Variants in EYS observed in about 807,000 individuals in gnomAD.
EYS encodes the protein protein eyes shut homolog.
EYS carries 250 observed loss-of-function variants against 282.1 expected under a neutral mutation model. The observed-to-expected ratio is 0.89, with a 90% CI of 0.80 to 0.98. The LOEUF (loss-of-function observed/expected upper bound fraction) is 0.98, where lower values mean the gene tolerates loss of function less well. Ranked by LOEUF, EYS falls within the 50% of genes least tolerant of loss-of-function variation. The pLI, the probability that EYS is intolerant of heterozygous loss-of-function variation, is 0.00. For synonymous variants in EYS, 1,355 were observed against 1,282.9 expected (o/e 1.06, Z -1.20); for missense variants, 4,016 against 3,709.0 (o/e 1.08, Z -2.15).
Position 64,469,949 on chromosome 6 carries a change from C to T in EYS, c.5645-30597G>A, listed in dbSNP as rs537554643. On this transcript the variant is annotated intron_variant, in intron 26 of 42. Coordinates refer to ENST00000503581, the MANE Select transcript of EYS (RefSeq NM_001142800.2). Reference sequence around the variant, plus strand: ...AAGTCTCTGATATGCAAAAATAATGCTGTAAGCTGTTTCTCTCTCTCCCTC... The same window carrying T: ...AAGTCTCTGATATGCAAAAATAATGTTGTAAGCTGTTTCTCTCTCTCCCTC... Among the ~76,000 whole-genome samples the T allele has an allele frequency of 1.1e-4, 16 of 152,244 alleles. No individual in the cohort carries two copies. In the South Asian group the frequency reaches 3.1e-3, roughly 30 times the overall value.
chr6:64,157,832 G>T (rs1211121387), intron 31 of EYS, among the ~76,000 whole-genome samples: 1 of 152,238 alleles, frequency 6.6e-6, no homozygotes, highest in African/African-American at 2.4e-5. Flanking sequence ...GAGGACCTCT[G>T]TTAGGGCAGT....
At chr6:65,661,455 A>T (rs1409956200) in intron 1 of EYS, among the ~76,000 whole-genome samples, 1 of 152,042 alleles carries the variant, frequency 6.6e-6, no homozygotes, top group Non-Finnish European at 1.5e-5. Flanking sequence ...CAATGTTAAA[A>T]TACTTTCACA....
chr6:65,675,814 A>G (rs913310965), intron 1 of EYS, among the ~76,000 whole-genome samples: 2 of 151,944 alleles, frequency 1.3e-5, no homozygotes, highest in East Asian at 1.9e-4. Context: ...TCAAGTGTAC[A>G]TATTCTTCTC....
chr6:64,184,109 T>A (rs573888917), intron 31 of EYS, among the ~76,000 whole-genome samples: 2 of 152,246 alleles, frequency 1.3e-5, no homozygotes, highest in Non-Finnish European at 2.9e-5. Context: ...CTGGCCTCTC[T>A]CATCACCCAG....
chr6:64,044,994 T>A (rs1220145825), intron 33 of EYS, among the ~76,000 whole-genome samples: 1 of 152,142 alleles, frequency 6.6e-6, no homozygotes, highest in Non-Finnish European at 1.5e-5. Context: ...ATTGAGATAA[T>A]CTTTGGCATA....
At chr6:64,061,182 A>T (rs371601761) in intron 33 of EYS, among the ~76,000 whole-genome samples, 3 of 152,186 alleles carry the variant, frequency 2.0e-5, no homozygotes, top group African/African-American at 7.2e-5. Flanking sequence ...ATAACACAGT[A>T]AATCACCTAG....
intron 15 of EYS, among the ~76,000 whole-genome samples, chr6:64,913,055 T>C (rs1243913207): frequency 6.6e-6 from 1 of 152,060 alleles, no homozygotes; most frequent in Non-Finnish European, 1.5e-5. Context: ...AAAATTTTCC[T>C]ATGAATTATT....
chr6:65,281,035 CAAA>C (rs35633005), intron 12 of EYS, among the ~76,000 whole-genome samples: 1 of 101,992 alleles, frequency 9.8e-6, no homozygotes, highest in Non-Finnish European at 1.8e-5. Flanking sequence ...GATGCCATCT[CAAA>C]AAAAAAAAAA....
intron 32 of EYS, among the ~76,000 whole-genome samples, chr6:64,075,312 G>A (rs1582233087): frequency 6.6e-6 from 1 of 151,882 alleles, no homozygotes. Flanking sequence ...GAGAAGCTCT[G>A]GGGAGAACTG....
chr6:63,830,081 C>G (rs1771585870), intron 36 of EYS, among the ~76,000 whole-genome samples: 1 of 152,122 alleles, frequency 6.6e-6, no homozygotes, highest in Non-Finnish European at 1.5e-5. Flanking sequence ...TCATCAAAGA[C>G]CAAAGGTAGA....
chr6:63,968,744 C>T (rs1033961896), intron 35 of EYS, among the ~76,000 whole-genome samples: 2 of 152,160 alleles, frequency 1.3e-5, no homozygotes, highest in Non-Finnish European at 2.9e-5. Context: ...GTAAAAATCT[C>T]CCCCAGACAG....
At chr6:63,922,920 A>G (rs1433200527) in intron 35 of EYS, among the ~76,000 whole-genome samples, 1 of 152,222 alleles carries the variant, frequency 6.6e-6, no homozygotes, top group African/African-American at 2.4e-5. Context: ...TGCCTTGACA[A>G]ATACTGACGT....
In EYS at chr6:63,721,692, C is replaced by A. The variant is rs1206871454; in HGVS notation, c.8339G>T (p.Gly2780Val). ...TGCTTTTATTATATGCCAAGTACTTCCGTTTATAGTTACTTTTTGGAGAGT... is the reference window on the plus strand; with the variant it reads ...TGCTTTTATTATATGCCAAGTACTTACGTTTATAGTTACTTTTTGGAGAGT... ...LETLQKVTIN[G>V]STWHIIKAGR... Residue 2780 changes from glycine (G) to valine (V), a missense_variant, in exon 43 of 43, where the codon GGA becomes GTA. Gly to Val is a moderately radical substitution (Grantham distance 109). Coordinates refer to ENST00000503581, the MANE Select transcript of EYS (RefSeq NM_001142800.2). The A allele has an allele frequency of 6.4e-7, 1 of 1,551,390 alleles. No individual in the cohort carries two copies. Among genetic ancestry groups the A allele is most frequent in the South Asian group, 1.2e-5 (1 of 84,052 alleles).
intron 30 of EYS, among the ~76,000 whole-genome samples, chr6:64,285,353 G>A (rs1768459036): frequency 6.6e-6 from 1 of 152,174 alleles, no homozygotes; most frequent in South Asian, 2.1e-4. Context: ...CTCTAGGGCA[G>A]GGGCAAAATG....
intron 8 of EYS, among the ~76,000 whole-genome samples, chr6:65,356,299 T>C (rs189705568): frequency 2.3e-4 from 35 of 152,182 alleles, no homozygotes; most frequent in Non-Finnish European, 4.6e-4. Context: ...TGTTTGTTTG[T>C]TTTTTAAACT....
intron 4 of EYS, among the ~76,000 whole-genome samples, chr6:65,493,946 A>C (rs551479908): frequency 6.6e-6 from 1 of 152,232 alleles, no homozygotes; most frequent in South Asian, 2.1e-4. Context: ...TAGTTCCCTA[A>C]CTTCCTCTAC....
chr6:63,891,613 A>C (rs1197374679), intron 35 of EYS, among the ~76,000 whole-genome samples: 2 of 152,180 alleles, frequency 1.3e-5, no homozygotes, highest in Non-Finnish European at 2.9e-5. Flanking sequence ...ATTTATGACA[A>C]ACCCATGGCC....
intron 13 of EYS, among the ~76,000 whole-genome samples, chr6:65,011,654 C>T (rs935328030): frequency 1.3e-5 from 2 of 152,212 alleles, no homozygotes; most frequent in African/African-American, 2.4e-5. Context: ...AGAGACAGAA[C>T]TAGCTGGATT....
Position 64,699,208 on chromosome 6 carries a change from C to A in EYS, c.3444-72963G>T, listed in dbSNP as rs559865470. On this transcript the variant is annotated intron_variant, in intron 22 of 42. Transcript: ENST00000503581. The stretch of plus-strand genomic sequence containing the variant: ...GGAGCTGGAGGCTTATTATACTTAG[C>A]AAACTAACACAGGAACCGAAAACCA... 2.6e-5 allele frequency among the ~76,000 whole-genome samples: 4 copies of A among 152,162 alleles called. No individual in the cohort carries two copies. In the East Asian group the frequency reaches 7.7e-4, roughly 29 times the overall value.
Sources: gnomAD v4.1 joint callset for allele counts (sites outside exome capture counted in the v4.1 genomes callset) on GRCh38, gnomAD v4.1.1 for gene constraint, MANE v1.5 for transcripts, NCBI Gene and HGNC (gene_info 2026-07-23, HGNC 2026-07-21) for gene names.